Variants in PALLD observed in about 807,000 individuals in gnomAD.
PALLD encodes the protein palladin.
Under a neutral mutation model 123.5 loss-of-function variants are expected in PALLD, and 61 were observed. The ratio of observed to expected loss-of-function variants is 0.49; its 90% confidence interval spans 0.40 to 0.61. The LOEUF is 0.61. Ranked by LOEUF, PALLD falls within the 20% of genes least tolerant of loss-of-function variation. The pLI is 0.00. For synonymous variants in PALLD, 465 were observed against 496.4 expected, an observed-to-expected ratio of 0.94 and a Z score of 0.84; for missense variants, 1,273 against 1,377.0, an observed-to-expected ratio of 0.92 and a Z score of 1.20.
At chr4:168,555,638 T>G (rs1767202167) in intron 2 of PALLD, among the ~76,000 whole-genome samples, 1 of 152,218 alleles carries the variant, frequency 6.6e-6, no homozygotes, top group South Asian at 2.1e-4. Context: ...TGTTACACAA[T>G]TAAACCAGCA....
intron 8 of PALLD, among the ~76,000 whole-genome samples, chr4:168,704,453 C>T (rs1158035090): frequency 1.3e-5 from 2 of 151,938 alleles, no homozygotes; most frequent in East Asian, 1.9e-4. Flanking sequence ...GGGTGGATCA[C>T]GAGGTGAGGA....
chr4:168,787,983 T>G (rs996985170), intron 10 of PALLD, among the ~76,000 whole-genome samples: 21 of 152,264 alleles, frequency 1.4e-4, no homozygotes, highest in Admixed American at 1.1e-3. Flanking sequence ...ATAACTTCGC[T>G]GTAAACATGG....
At chr4:168,503,477 T>C (rs1761643593) in intron 1 of PALLD, among the ~76,000 whole-genome samples, 1 of 151,590 alleles carries the variant, frequency 6.6e-6, no homozygotes, top group Non-Finnish European at 1.5e-5. Context: ...GGAAACCCTG[T>C]CTCTACTAAA....
chr4:168,498,560 T>TA (rs1350059503), intron 1 of PALLD, among the ~76,000 whole-genome samples: 13 of 152,330 alleles, frequency 8.5e-5, no homozygotes, highest in Admixed American at 3.9e-4. Context: ...CTCCACTTCT[T>TA]AAACAATATG....
chr4:168,889,386 A>C (rs1753841948), intron 10 of PALLD, among the ~76,000 whole-genome samples: 1 of 150,488 alleles, frequency 6.6e-6, no homozygotes, highest in Admixed American at 6.6e-5. Context: ...CTGGTCTCCA[A>C]CTCCTGACCT....
In PALLD at chr4:168,576,938, G is replaced by A. The variant is rs545315304; in HGVS notation, c.908+64526G>A. 1.5e-4 allele frequency among the ~76,000 whole-genome samples: 23 copies of A among 152,162 alleles called. No homozygotes were observed. The South Asian group carries it at 3.9e-3, about 26-fold the overall frequency. ...AAAAGTCAGGAAAAAACAGGTGCTG[G>A]AGAGGATGTGGAGAAATTGGCAGCA... On this transcript the variant is annotated intron_variant, in intron 2 of 21. Transcript: ENST00000505667.
At chr4:168,554,688 C>T (rs949047161) in intron 2 of PALLD, among the ~76,000 whole-genome samples, 13 of 152,086 alleles carry the variant, frequency 8.5e-5, no homozygotes, top group Admixed American at 1.3e-4. Flanking sequence ...GTCTTTAATG[C>T]TCCATATATA....
chr4:168,662,701 C>T (rs1779240183), intron 2 of PALLD, among the ~76,000 whole-genome samples: 4 of 152,206 alleles, frequency 2.6e-5, no homozygotes, highest in Admixed American at 2.6e-4. Context: ...ATTTAACCAA[C>T]AGATCTCCTC....
chr4:168,636,964 C>T (rs970625095), intron 2 of PALLD, among the ~76,000 whole-genome samples: 2 of 152,150 alleles, frequency 1.3e-5, no homozygotes, highest in Non-Finnish European at 2.9e-5. Flanking sequence ...CACAAGCATG[C>T]TTTGCTGGTT....
At chr4:168,787,004 T>G (rs1736855916) in intron 10 of PALLD, among the ~76,000 whole-genome samples, 1 of 151,604 alleles carries the variant, frequency 6.6e-6, no homozygotes, top group South Asian at 2.1e-4. Context: ...TCCATCTAGC[T>G]AGCTAGCTAG....
At chr4:168,520,345 AAAAG>A (rs1763433854) in intron 2 of PALLD, among the ~76,000 whole-genome samples, 2 of 41,792 alleles carry the variant, frequency 4.8e-5, no homozygotes, top group Non-Finnish European at 8.9e-5. Context: ...AAAAAAAAAA[AAAAG>A]AGAGAGAGAG....
intron 10 of PALLD, among the ~76,000 whole-genome samples, chr4:168,887,252 G>C (rs529298183): frequency 6.6e-6 from 1 of 152,270 alleles, no homozygotes; most frequent in Non-Finnish European, 1.5e-5. Flanking sequence ...CAACTCTATG[G>C]AATGTTCCAG....
intron 10 of PALLD, among the ~76,000 whole-genome samples, chr4:168,863,606 C>T (rs1004439790): frequency 2.0e-5 from 3 of 151,490 alleles, no homozygotes; most frequent in African/African-American, 4.9e-5. Context: ...TTTTGAAAGA[C>T]GATAGCATGA....
intron 2 of PALLD, among the ~76,000 whole-genome samples, chr4:168,630,367 A>G (rs1775698485): frequency 6.6e-6 from 1 of 152,220 alleles, no homozygotes; most frequent in South Asian, 2.1e-4. Context: ...ACCCCAGAAT[A>G]TTTTCAGTCT....
intron 1 of PALLD, among the ~76,000 whole-genome samples, chr4:168,503,413 G>A (rs920699667): frequency 1.3e-5 from 2 of 152,148 alleles, no homozygotes; most frequent in African/African-American, 4.8e-5. Flanking sequence ...ACTTTGGGAG[G>A]CCAAGGCGGG....
At chr4:168,904,027 T>A (rs1757102544) in intron 15 of PALLD, 121 bp downstream of exon 15, 2 of 1,013,218 alleles carry the variant, frequency 2.0e-6, no homozygotes, top group Admixed American at 3.7e-5. Context: ...AAACTATTTT[T>A]CCAAATTCTA....
chr4:168,835,076 G>A (rs1744939038), intron 10 of PALLD, among the ~76,000 whole-genome samples: 1 of 152,128 alleles, frequency 6.6e-6, no homozygotes, highest in Non-Finnish European at 1.5e-5. Flanking sequence ...AACAATTGTT[G>A]ATTTCCCCCC....
intron 10 of PALLD, among the ~76,000 whole-genome samples, chr4:168,795,856 G>A (rs1327912065): frequency 6.6e-6 from 1 of 151,832 alleles, no homozygotes; most frequent in East Asian, 1.9e-4. Context: ...CCACAGGCAA[G>A]CACCACCACA....
rs1780398281 is a variant in PALLD at position 168,672,603 on chromosome 4, C to T, written c.1087+4235C>T. Among the ~76,000 whole-genome samples the T allele has an allele frequency of 2.6e-5, 4 of 152,048 alleles. No individual in the cohort carries two copies. In the South Asian group the frequency reaches 8.3e-4, roughly 32 times the overall value. ...CCTCCCGAGTAGCTGGGACTACAGG[C>T]GCCTGCCACCACGCCCGTCTAATTT... On this transcript the variant is annotated intron_variant, in intron 3 of 21. Transcript: ENST00000505667.
Sources: gnomAD v4.1 joint callset for allele counts (sites outside exome capture counted in the v4.1 genomes callset) on GRCh38, gnomAD v4.1.1 for gene constraint, MANE v1.5 for transcripts, NCBI Gene and HGNC (gene_info 2026-07-23, HGNC 2026-07-21) for gene names.